The following SPECC1 variants were observed in gnomAD, a reference collection of about 807,000 sequenced individuals.
The protein encoded by SPECC1 is sperm antigen with calponin homology and coiled-coil domains 1, also known as cytospin-B.
In SPECC1, 62 loss-of-function variants were observed where a neutral mutation model predicts 104.1. The ratio of observed to expected loss-of-function variants is 0.60; its 90% CI spans 0.49 to 0.74. The LOEUF is 0.74. Among genes scored for constraint, SPECC1 ranks in the 30% least tolerant of loss-of-function variants. The pLI is 0.00. For synonymous variants in SPECC1, 513 were observed against 501.6 expected (o/e 1.02, Z -0.30); for missense variants, 1,306 against 1,310.5 (o/e 1.00, Z 0.05).
chr17:20,031,287 C>G (rs561530938), intron 1 of SPECC1, among the ~76,000 whole-genome samples: 3 of 152,214 alleles, frequency 2.0e-5, no homozygotes, highest in Non-Finnish European at 4.4e-5. Context: ...AGCCACCGTG[C>G]CTGGCCTCCT....
At chr17:20,196,354 C>T (rs567080897) in intron 3 of SPECC1, among the ~76,000 whole-genome samples, 11 of 152,272 alleles carry the variant, frequency 7.2e-5, no homozygotes, top group South Asian at 4.1e-4. Flanking sequence ...CCTTAGGACA[C>T]GCCAGGCAGA....
At chr17:20,241,518 G>GA (rs1402058763) in intron 7 of SPECC1, among the ~76,000 whole-genome samples, 2 of 152,266 alleles carry the variant, frequency 1.3e-5, no homozygotes, top group Admixed American at 1.3e-4. Flanking sequence ...GGAATTGAGG[G>GA]AAAGCCCTTG....
At chr17:20,016,879 C>A (rs1016760239) in intron 1 of SPECC1, among the ~76,000 whole-genome samples, 2 of 152,246 alleles carry the variant, frequency 1.3e-5, no homozygotes, top group Admixed American at 1.3e-4. Context: ...GTGAAGCCAG[C>A]TGGGCTCCTG....
chr17:20,063,466 A>G (rs2046258666), intron 1 of SPECC1, among the ~76,000 whole-genome samples: 1 of 152,160 alleles, frequency 6.6e-6, no homozygotes, highest in African/African-American at 2.4e-5. Flanking sequence ...AGTCCTTTCA[A>G]AGCATCAGCT....
chr17:20,112,028 C>A, intron 3 of SPECC1: 1 of 770,070 alleles, frequency 1.3e-6, no homozygotes, highest in South Asian at 1.3e-5. Flanking sequence ...TGAAGGAGAG[C>A]CATTTATTGA....
At chr17:20,312,551 G>T (rs768729424) in intron 14 of SPECC1, among the ~76,000 whole-genome samples, 2 of 152,050 alleles carry the variant, frequency 1.3e-5, no homozygotes, top group Admixed American at 1.3e-4. Flanking sequence ...TCTTTTCCCA[G>T]AGCTCATCTA....
At chr17:20,260,667 G>A (rs2039994332) in intron 12 of SPECC1, among the ~76,000 whole-genome samples, 1 of 152,226 alleles carries the variant, frequency 6.6e-6, no homozygotes. Context: ...AGGCTTTATT[G>A]GAGCTTATGC....
intron 1 of SPECC1, among the ~76,000 whole-genome samples, chr17:20,019,046 C>G (rs1160945509): frequency 1.3e-5 from 2 of 151,992 alleles, no homozygotes; most frequent in South Asian, 2.1e-4. Flanking sequence ...AGGTGCCAGC[C>G]AAGGATTAAC....
intron 1 of SPECC1, among the ~76,000 whole-genome samples, chr17:20,082,022 C>T (rs1450126382): frequency 1.3e-5 from 2 of 152,182 alleles, no homozygotes; most frequent in African/African-American, 2.4e-5. Flanking sequence ...GAAAAGGCAC[C>T]CTCAAAGCCT....
At chr17:20,209,017 C>A (rs1255682942) in intron 4 of SPECC1, among the ~76,000 whole-genome samples, 1 of 152,094 alleles carries the variant, frequency 6.6e-6, no homozygotes, top group Non-Finnish European at 1.5e-5. Flanking sequence ...CAGCTAATGA[C>A]GTGATCTGAT....
chr17:20,059,955 A>G (rs940624538), intron 1 of SPECC1, among the ~76,000 whole-genome samples: 8 of 152,160 alleles, frequency 5.3e-5, no homozygotes, highest in African/African-American at 7.2e-5. Context: ...GAAATTATCT[A>G]CTGGTTTGTA....
chr17:20,275,276 G>A (rs548041539), intron 12 of SPECC1, among the ~76,000 whole-genome samples: 7 of 152,172 alleles, frequency 4.6e-5, no homozygotes, highest in Non-Finnish European at 1.0e-4. Flanking sequence ...TGAAATATAC[G>A]ATTTTTTATA....
intron 7 of SPECC1, chr17:20,238,946 G>C: frequency 9.6e-7 from 1 of 1,039,426 alleles, no homozygotes. Context: ...CCTTTATGTC[G>C]TTTTGTTCTA....
chr17:20,274,549 C>A (rs1429796001), intron 12 of SPECC1, among the ~76,000 whole-genome samples: 1 of 135,004 alleles, frequency 7.4e-6, no homozygotes, highest in Non-Finnish European at 1.5e-5. Context: ...AAAAAAGTCT[C>A]GGCTCACTGC....
chr17:20,137,572 C>G (rs1326119258), intron 3 of SPECC1, among the ~76,000 whole-genome samples: 1 of 152,162 alleles, frequency 6.6e-6, no homozygotes, highest in Non-Finnish European at 1.5e-5. Flanking sequence ...ATCCACCTGC[C>G]TTAGACTCTT....
At chr17:20,100,589 A>C (rs563705894) in intron 2 of SPECC1, among the ~76,000 whole-genome samples, 1 of 152,318 alleles carries the variant, frequency 6.6e-6, no homozygotes, top group East Asian at 1.9e-4. Flanking sequence ...ACTGAGACAA[A>C]TCCACTGAAA....
intron 12 of SPECC1, among the ~76,000 whole-genome samples, chr17:20,274,914 GATTTAATAATATTATTAAATA>G: frequency 6.6e-6 from 1 of 151,276 alleles, no homozygotes; most frequent in East Asian, 1.9e-4. Context: ...ACAGAAATAA[GATTTAATAATATTATTAAATA>G]ATTTAATAAT....
At chr17:20,092,703 T>C (rs2047456707) in intron 1 of SPECC1, among the ~76,000 whole-genome samples, 1 of 152,196 alleles carries the variant, frequency 6.6e-6, no homozygotes, top group South Asian at 2.1e-4. Flanking sequence ...GGGCGGCTCA[T>C]AGTTGTCAAC....
chr17:20,192,540 C>T (rs912350162), intron 3 of SPECC1, among the ~76,000 whole-genome samples: 1 of 152,196 alleles, frequency 6.6e-6, no homozygotes, highest in South Asian at 2.1e-4. Flanking sequence ...TGTATTTCAT[C>T]TTTATTTCTT....
Sources: gnomAD v4.1 joint callset for allele counts (sites outside exome capture counted in the v4.1 genomes callset) on GRCh38, gnomAD v4.1.1 for gene constraint, MANE v1.5 for transcripts, NCBI Gene and HGNC (gene_info 2026-07-23, HGNC 2026-07-21) for gene names.